The following TOGARAM2 variants were observed in gnomAD, a reference collection of about 807,000 sequenced individuals.
TOGARAM2 encodes the protein TOG array regulator of axonemal microtubules protein 2.
Under a neutral mutation model 93.3 loss-of-function variants are expected in TOGARAM2, and 85 were observed. That is an observed-to-expected ratio of 0.91 (90% confidence interval 0.76 to 1.09). The LOEUF (loss-of-function observed/expected upper bound fraction) is 1.09. Ranked by LOEUF, TOGARAM2 falls within the 50% of genes least tolerant of loss-of-function variation. The pLI is 0.00. For synonymous variants in TOGARAM2, 593 were observed against 552.8 expected, an observed-to-expected ratio of 1.07 and a Z score of -1.02; for missense variants, 1,277 against 1,334.5, an observed-to-expected ratio of 0.96 and a Z score of 0.67.
intron 1 of TOGARAM2, among the ~76,000 whole-genome samples, chr2:28,969,593 A>C (rs1671915918): frequency 6.6e-6 from 1 of 152,190 alleles, no homozygotes. Flanking sequence ...GTTTGGCACC[A>C]GACAGACCTC....
intron 6 of TOGARAM2, among the ~76,000 whole-genome samples, chr2:29,009,311 A>G (rs912534681): frequency 1.3e-5 from 2 of 152,228 alleles, no homozygotes; most frequent in Non-Finnish European, 1.5e-5. Context: ...CTGTGTGCCA[A>G]CTGAGAAGTG....
Position 29,017,150 on chromosome 2 carries a change from C to A in TOGARAM2, c.1045-4C>A. The A allele has an allele frequency of 6.2e-7, 1 of 1,611,738 alleles. No individual in the cohort carries two copies. Among genetic ancestry groups the A allele is most frequent in the Non-Finnish European group, 8.5e-7 (1 of 1,179,012 alleles). On this transcript the variant is annotated splice_region_variant and splice_polypyrimidine_tract_variant and intron_variant, in intron 8 of 19. Transcript: ENST00000379558. Reference sequence around the variant, plus strand: ...TAATAGAGTTTGCCTTGACCTTGTGCCAGATCCAAGTCACCATCTCCAAGT... The same window carrying A: ...TAATAGAGTTTGCCTTGACCTTGTGACAGATCCAAGTCACCATCTCCAAGT...
intron 1 of TOGARAM2, among the ~76,000 whole-genome samples, chr2:28,975,537 A>G (rs1478711944): frequency 6.6e-6 from 1 of 152,170 alleles, no homozygotes; most frequent in Non-Finnish European, 1.5e-5. Context: ...AAGCACGTTC[A>G]TAATTGCAAA....
intron 16 of TOGARAM2, among the ~76,000 whole-genome samples, chr2:29,034,178 G>A (rs1054100124): frequency 2.0e-5 from 3 of 151,964 alleles, no homozygotes; most frequent in Non-Finnish European, 2.9e-5. Flanking sequence ...TTCCTGTCTC[G>A]GCCTGACCAG....
At chr2:28,982,921 A>G (rs1672273497) in intron 1 of TOGARAM2, among the ~76,000 whole-genome samples, 1 of 151,938 alleles carries the variant, frequency 6.6e-6, no homozygotes, top group African/African-American at 2.4e-5. Context: ...AGGGTTAATC[A>G]TGCTACTAAT....
At chr2:28,975,741 CT>C (rs1303717804) in intron 1 of TOGARAM2, among the ~76,000 whole-genome samples, 1 of 152,052 alleles carries the variant, frequency 6.6e-6, no homozygotes, top group Non-Finnish European at 1.5e-5. Flanking sequence ...CCTCTTCTGT[CT>C]TCTTTTTTTG....
At chr2:28,983,255 A>C (rs1672315545) in intron 1 of TOGARAM2, among the ~76,000 whole-genome samples, 1 of 127,992 alleles carries the variant, frequency 7.8e-6, no homozygotes, top group African/African-American at 3.1e-5. Context: ...CATGTTGCTC[A>C]GCCTGGTCTC....
At chr2:28,972,867 G>C (rs565108429) in intron 1 of TOGARAM2, among the ~76,000 whole-genome samples, 1 of 152,214 alleles carries the variant, frequency 6.6e-6, no homozygotes, top group Non-Finnish European at 1.5e-5. Flanking sequence ...GAAAGTTGCT[G>C]TCTGGCTTTT....
In TOGARAM2 at chr2:29,033,054, G is replaced by A; in HGVS notation, c.2130+3G>A. ...TCATGGCGGCCATTAAACAGCAGGTGAGCTGTGGGGCATAAGTGGGTCATG... is the reference window on the plus strand; with the variant it reads ...TCATGGCGGCCATTAAACAGCAGGTAAGCTGTGGGGCATAAGTGGGTCATG... On this transcript the variant is annotated splice_donor_region_variant and intron_variant, in intron 15 of 19. Coordinates refer to ENST00000379558, the MANE Select transcript of TOGARAM2 (RefSeq NM_199280.4). The A allele has an allele frequency of 6.2e-7, 1 of 1,611,436 alleles. No individual in the cohort carries two copies.
intron 1 of TOGARAM2, among the ~76,000 whole-genome samples, chr2:28,992,754 C>T (rs1672797101): frequency 2.0e-5 from 3 of 152,118 alleles, no homozygotes; most frequent in South Asian, 2.1e-4. Flanking sequence ...TTGATCCTGT[C>T]TGAACATCAA....
intron 14 of TOGARAM2, among the ~76,000 whole-genome samples, chr2:29,028,565 C>T (rs1257158122): frequency 6.6e-6 from 1 of 152,086 alleles, no homozygotes; most frequent in East Asian, 1.9e-4. Flanking sequence ...TGCTTTGACC[C>T]CCTGCTTATT....
intron 18 of TOGARAM2, among the ~76,000 whole-genome samples, chr2:29,045,049 T>C (rs1261413937): frequency 6.6e-6 from 1 of 152,178 alleles, no homozygotes; most frequent in Non-Finnish European, 1.5e-5. Context: ...AAAACTCCTG[T>C]CAATTTTGAG....
At position 29,022,255 on chromosome 2, in the gene TOGARAM2, G is replaced by C; in HGVS notation, c.1458G>C (p.Ser486=). The C allele has an allele frequency of 6.2e-7, 1 of 1,614,016 alleles. No individual in the cohort carries two copies. The highest frequency in any genetic ancestry group is 8.5e-7 in the Non-Finnish European group (1 of 1,179,890). The change falls in exon 11 of 20, where the codon TCG becomes TCC. Residue 486 remains serine, a synonymous_variant. Coordinates refer to ENST00000379558, the MANE Select transcript of TOGARAM2 (RefSeq NM_199280.4). ...LRACKELRPF[S]NPELGLRDAL... is the part of the protein sequence containing the mutation. ...CCTGTAAGGAGTTGAGGCCTTTCTC[G>C]AACCCGGAGCTGGGGCTGAGGGATG...
chr2:29,004,782 GTA>G lies in TOGARAM2; in HGVS notation c.830+1102_830+1103del, dbSNP rs577524122. 9.2e-5 allele frequency among the ~76,000 whole-genome samples: 14 copies of G among 151,784 alleles called. No individual in the cohort carries two copies. The East Asian group carries it at 1.9e-3, about 21-fold the overall frequency. ...AGTGTGTGTGTGCATGAGTGCAAGA[GTA>G]TGTGTCTGAGTGTGTCTGAGTGCAT... On this transcript the variant is annotated intron_variant, in intron 6 of 19. Coordinates refer to ENST00000379558, the MANE Select transcript of TOGARAM2 (RefSeq NM_199280.4).
intron 1 of TOGARAM2, among the ~76,000 whole-genome samples, chr2:28,990,076 A>G (rs985572914): frequency 2.6e-5 from 4 of 152,086 alleles, no homozygotes; most frequent in Non-Finnish European, 5.9e-5. Flanking sequence ...AGGGGAGCAG[A>G]GGTGGGTGGA....
intron 6 of TOGARAM2, among the ~76,000 whole-genome samples, chr2:29,005,905 G>A (rs985418874): frequency 3.4e-5 from 5 of 146,872 alleles, no homozygotes; most frequent in African/African-American, 7.6e-5. Flanking sequence ...GTGTGAGTGC[G>A]TGTGTGTAAG....
At chr2:29,001,570 G>A (rs567564883) in intron 4 of TOGARAM2, among the ~76,000 whole-genome samples, 15 of 151,424 alleles carry the variant, frequency 9.9e-5, no homozygotes, top group East Asian at 7.8e-4. Flanking sequence ...GTGCGATCTC[G>A]GCTCACCGCA....
intron 1 of TOGARAM2, among the ~76,000 whole-genome samples, chr2:28,987,530 C>G (rs1286915287): frequency 6.6e-6 from 1 of 152,194 alleles, no homozygotes; most frequent in Admixed American, 6.5e-5. Context: ...ACCTCGTGAT[C>G]CGCCCACCTC....
chr2:28,981,691 GA>G (rs1672199941), intron 1 of TOGARAM2, among the ~76,000 whole-genome samples, 153 bp downstream of exon 1: 1 of 152,266 alleles, frequency 6.6e-6, no homozygotes, highest in South Asian at 2.1e-4. Flanking sequence ...CTGTGACTTG[GA>G]GGCTGTGTGA....
Sources: gnomAD v4.1 joint callset for allele counts (sites outside exome capture counted in the v4.1 genomes callset) on GRCh38, gnomAD v4.1.1 for gene constraint, MANE v1.5 for transcripts, NCBI Gene and HGNC (gene_info 2026-07-23, HGNC 2026-07-21) for gene names.